PCDH15: variants seen among roughly 807,000 people sequenced by gnomAD.
PCDH15 encodes the protein protocadherin related 15, also known as protocadherin-15.
Under a neutral mutation model 178.5 loss-of-function variants are expected in PCDH15, and 129 were observed. The observed-to-expected ratio is 0.72, with a 90% CI of 0.63 to 0.84. The LOEUF (loss-of-function observed/expected upper bound fraction) is 0.84, where lower values mean the gene tolerates loss of function less well. Ranked by LOEUF, PCDH15 falls within the 40% of genes least tolerant of loss-of-function variation. The probability of loss-of-function intolerance (pLI) is 0.00; values close to 1 mark genes in which losing one functional copy is unlikely to be tolerated. For missense variants in PCDH15, 2,230 were observed against 2,099.9 expected (o/e 1.06, Z -1.21); for synonymous variants, 800 against 732.0 (o/e 1.09, Z -1.50).
intron 2 of PCDH15, among the ~76,000 whole-genome samples, chr10:54,951,301 T>C (rs546690047): frequency 2.0e-5 from 3 of 152,048 alleles, no homozygotes; most frequent in South Asian, 4.1e-4. Flanking sequence ...CAGGATTTCA[T>C]ATAGTTGGGA....
At chr10:54,042,652 T>C (rs2093573560) in intron 18 of PCDH15, among the ~76,000 whole-genome samples, 1 of 151,970 alleles carries the variant, frequency 6.6e-6, no homozygotes, top group Non-Finnish European at 1.5e-5. Flanking sequence ...GCAAATGATG[T>C]TGGAGAGAGC....
intron 2 of PCDH15, among the ~76,000 whole-genome samples, chr10:55,137,023 A>AAC (rs1838213049): frequency 6.6e-6 from 1 of 152,194 alleles, no homozygotes; most frequent in African/African-American, 2.4e-5. Flanking sequence ...ATTTAAATTT[A>AAC]ATGATGGTTA....
intron 20 of PCDH15, among the ~76,000 whole-genome samples, chr10:53,998,876 AC>A (rs1343608496): frequency 1.3e-5 from 2 of 151,928 alleles, no homozygotes; most frequent in African/African-American, 4.8e-5. Context: ...ACATGGCGAA[AC>A]TGTGTCTCTA....
At chr10:55,017,406 T>A (rs530228130) in intron 2 of PCDH15, among the ~76,000 whole-genome samples, 16 of 152,256 alleles carry the variant, frequency 1.1e-4, no homozygotes, top group African/African-American at 3.1e-4. Flanking sequence ...CACAATATCT[T>A]CCCATCTATA....
intron 2 of PCDH15, among the ~76,000 whole-genome samples, chr10:55,048,548 A>G (rs1841073000): frequency 6.6e-6 from 1 of 151,954 alleles, no homozygotes; most frequent in African/African-American, 2.4e-5. Context: ...GAAAAATAAC[A>G]TATCTTAATT....
chr10:54,334,401 C>A (rs1052834821), intron 6 of PCDH15, among the ~76,000 whole-genome samples: 23 of 152,192 alleles, frequency 1.5e-4, no homozygotes, highest in East Asian at 3.9e-4. Flanking sequence ...TGATTCCATC[C>A]CCCCAGAATC....
At chr10:54,027,600 T>A (rs2093147169) in intron 18 of PCDH15, among the ~76,000 whole-genome samples, 1 of 147,428 alleles carries the variant, frequency 6.8e-6, no homozygotes, top group East Asian at 2.0e-4. Context: ...GAGATATAGA[T>A]CAATGGAACA....
At chr10:55,508,468 T>A (rs1383447210) in intron 2 of PCDH15, among the ~76,000 whole-genome samples, 1 of 151,820 alleles carries the variant, frequency 6.6e-6, no homozygotes, top group Non-Finnish European at 1.5e-5. Flanking sequence ...AGAGAAGATA[T>A]TTCTAAATGA....
At chr10:54,299,775 A>C (rs564833036) in intron 8 of PCDH15, among the ~76,000 whole-genome samples, 1 of 152,224 alleles carries the variant, frequency 6.6e-6, no homozygotes, top group Non-Finnish European at 1.5e-5. Flanking sequence ...AAAATTTCCC[A>C]GTGATTGGTC....
At chr10:55,067,988 G>C (rs1256661504) in intron 2 of PCDH15, among the ~76,000 whole-genome samples, 4 of 151,662 alleles carry the variant, frequency 2.6e-5, no homozygotes, top group Non-Finnish European at 5.9e-5. Context: ...TCTGAATATT[G>C]TTCTCCTGTA....
chr10:54,849,269 G>C (rs1305855751), intron 3 of PCDH15, among the ~76,000 whole-genome samples: 1 of 152,082 alleles, frequency 6.6e-6, no homozygotes, highest in Non-Finnish European at 1.5e-5. Flanking sequence ...AAACCTTTCT[G>C]TGTCTTCTTC....
intron 8 of PCDH15, among the ~76,000 whole-genome samples, chr10:54,253,428 A>G (rs2132134332): frequency 6.6e-6 from 1 of 152,164 alleles, no homozygotes; most frequent in Admixed American, 6.5e-5. Context: ...CTACATGTAC[A>G]TCGAGAATAT....
At chr10:54,739,975 A>G (rs1469510632) in intron 1 of PCDH15, among the ~76,000 whole-genome samples, 2 of 152,074 alleles carry the variant, frequency 1.3e-5, no homozygotes, top group African/African-American at 4.8e-5. Flanking sequence ...GGTCTAGACA[A>G]AGATTTTTTG....
At chr10:55,138,912 G>C (rs1000802800) in intron 2 of PCDH15, among the ~76,000 whole-genome samples, 28 of 152,070 alleles carry the variant, frequency 1.8e-4, no homozygotes, top group African/African-American at 6.3e-4. Context: ...ATAATGTTGA[G>C]ATTTATCTAT....
intron 2 of PCDH15, among the ~76,000 whole-genome samples, chr10:55,352,580 T>C (rs1038142217): frequency 6.6e-6 from 1 of 152,134 alleles, no homozygotes; most frequent in East Asian, 1.9e-4. Flanking sequence ...ATTCTACGGT[T>C]GTTCAGAATT....
intron 1 of PCDH15, among the ~76,000 whole-genome samples, chr10:54,763,024 G>C (rs1948080390): frequency 6.6e-6 from 1 of 152,038 alleles, no homozygotes; most frequent in African/African-American, 2.4e-5. Flanking sequence ...CTGATTACTT[G>C]TCATGATTAG....
At chr10:54,275,432 A>T (rs946396157) in intron 8 of PCDH15, among the ~76,000 whole-genome samples, 2 of 151,920 alleles carry the variant, frequency 1.3e-5, no homozygotes, top group Admixed American at 1.3e-4. Context: ...TGTAGAATTC[A>T]TTCACAACAA....
intron 3 of PCDH15, among the ~76,000 whole-genome samples, chr10:54,406,071 G>A (rs1386974548): frequency 1.3e-5 from 2 of 152,072 alleles, no homozygotes; most frequent in African/African-American, 4.8e-5. Flanking sequence ...CATCCAAACA[G>A]TTATTGTATG....
chr10:54,602,897 CA>C (rs1565715649), intron 2 of PCDH15, among the ~76,000 whole-genome samples: 1 of 151,934 alleles, frequency 6.6e-6, no homozygotes, highest in Non-Finnish European at 1.5e-5. Context: ...TCTGAGTCTA[CA>C]TTCATCAAGG....
Sources: allele counts gnomAD v4.1 joint callset (sites outside exome capture counted in the v4.1 genomes callset), GRCh38; gene constraint gnomAD v4.1.1; transcripts MANE v1.5; gene names NCBI Gene and HGNC (gene_info 2026-07-23, HGNC 2026-07-21).